The following OR6A2 variants were observed in gnomAD, a reference collection of about 807,000 sequenced individuals.
OR6A2 encodes the protein olfactory receptor 6A2.
In OR6A2, 6 loss-of-function variants were observed where a neutral mutation model predicts 7.1. That is an observed-to-expected ratio of 0.85 (90% confidence interval 0.46 to 1.68). The LOEUF (loss-of-function observed/expected upper bound fraction) is 1.68. OR6A2 is among the 40% of genes most tolerant of loss of function. OR6A2 has a pLI of 0.01. For synonymous variants in OR6A2, 162 were observed against 152.1 expected, an observed-to-expected ratio of 1.06 and a Z score of -0.48; for missense variants, 431 against 398.0, an observed-to-expected ratio of 1.08 and a Z score of -0.71.
chr11:6,795,287 A>T lies in OR6A2; in HGVS notation c.422T>A (p.Val141Asp). ...CATCTGCACACACAGCCGGCCACTG[A>T]CAATGACTGGGTAGTGGAGAGGATA... Reference protein sequence around the residue: ...ICYPLHYPVIVSGRLCVQMAA... With the variant: ...ICYPLHYPVIDSGRLCVQMAA... Residue 141 changes from valine to aspartate, a missense_variant, in exon 2 of 2, where the codon GTC becomes GAC. Physicochemically the swap from Val to Asp is radical, Grantham distance 152 (BLOSUM62 -3). Transcript: ENST00000641196. The T allele has an allele frequency of 6.2e-7, 1 of 1,614,118 alleles. No homozygotes were observed. Among genetic ancestry groups the T allele is most frequent in the Non-Finnish European group, 8.5e-7 (1 of 1,180,018 alleles).
rs1320219133 is a variant in OR6A2, at chr11:6,794,952, C to T, written c.757G>A (p.Val253Met). The change falls in exon 2 of 2, where the codon GTG becomes ATG. Residue 253 changes from valine to methionine, a missense_variant. By Grantham distance (21) the Val-to-Met change is conservative (BLOSUM62 1). Transcript: ENST00000641196. ...ATACTGGCTGCATAGAAGATTATCACAACAGTGAGATGAGAGGCACAGGTG... is the reference window on the plus strand; with the variant it reads ...ATACTGGCTGCATAGAAGATTATCATAACAGTGAGATGAGAGGCACAGGTG... ...FSTCASHLTVVIIFYAASIFI... is the reference protein window; with the variant it reads ...FSTCASHLTVMIIFYAASIFI... The T allele has an allele frequency of 6.2e-7, 1 of 1,614,098 alleles. No homozygotes were observed. Among genetic ancestry groups the T allele is most frequent in the African/African-American group, 1.3e-5 (1 of 75,034 alleles).
Position 6,795,396 on chromosome 11 carries a change from G to A in OR6A2, c.313C>T (p.Gln105Ter). The A allele has an allele frequency of 6.2e-7, 1 of 1,614,078 alleles. No homozygotes were observed. The highest frequency in any genetic ancestry group is 8.5e-7 in the Non-Finnish European group (1 of 1,179,996). Residue 105 changes from glutamine to a stop codon, truncating the protein, a stop_gained, in exon 2 of 2, where the codon CAG (glutamine) becomes TAG (stop). Transcript: ENST00000641196. LOFTEE classifies it high-confidence loss of function. The stretch of plus-strand genomic sequence containing the variant: ...CCCAAGCCAAGGAAAAAGTAGAGCT[G>A]TGTCATGCATCCCTCAAAGGAGATT... ...QLISFEGCMT[Q>*]LYFFLGLGCT...
chr11:6,791,911 C>T lies in OR6A2; in HGVS notation c.*2814G>A, dbSNP rs1019590764. On this transcript the variant is annotated 3_prime_UTR_variant, in exon 2 of 2. Coordinates refer to ENST00000641196, the MANE Select transcript of OR6A2 (RefSeq NM_003696.3). ...CATACATACTTGTCAAAATAAGAAA[C>T]CAAAATTGATACATCACTGTTAAAC... is the stretch of plus-strand genomic sequence containing the variant. 1 of 152,120 alleles carries T rather than the reference C, an allele frequency of 6.6e-6. No individual in the cohort carries two copies. Among genetic ancestry groups the T allele is most frequent in the Non-Finnish European group, 1.5e-5 (1 of 68,008 alleles). The allele number at this position is 152,120 out of a possible 1,614,324, so 9.4% of individuals were successfully genotyped here. A position where few individuals can be genotyped will look rare whatever the true frequency, so the allele number is the denominator to read the frequency against.
Position 6,795,770 on chromosome 11 carries a change from A to G in OR6A2, c.-62T>C. Reference sequence around the variant, plus strand: ...AGTAGAGAGTCTTCAGTAGGCCACAACAAGAACCCAGCCTTTCTCTTAATG... The same window carrying G: ...AGTAGAGAGTCTTCAGTAGGCCACAGCAAGAACCCAGCCTTTCTCTTAATG... On this transcript the variant is annotated 5_prime_UTR_variant, in exon 2 of 2. Transcript: ENST00000641196. 2 of 1,504,862 alleles carry G rather than the reference A, an allele frequency of 1.3e-6. No individual in the cohort carries two copies. Among genetic ancestry groups the G allele is most frequent in the South Asian group, 1.2e-5 (1 of 84,242 alleles). 93.2% of individuals were successfully genotyped at this position (1,504,862 alleles called of 1,614,324 possible).
In OR6A2 at chr11:6,793,670, C is replaced by G. The variant is rs1281735679; in HGVS notation, c.*1055G>C. The stretch of plus-strand genomic sequence containing the variant: ...GCAAATATGGCTGATATTTTTGATA[C>G]TGTTATATAACATAATATTTTTATT... On this transcript the variant is annotated 3_prime_UTR_variant, in exon 2 of 2. Transcript: ENST00000641196. 1 of 152,072 alleles carries G rather than the reference C, an allele frequency of 6.6e-6. No homozygotes were observed. The highest frequency in any genetic ancestry group is 2.4e-5 in the African/African-American group (1 of 41,402). 9.4% of individuals were successfully genotyped at this position (152,072 alleles called of 1,614,324 possible).
chr11:6,792,810 T>C lies in OR6A2; in HGVS notation c.*1915A>G, dbSNP rs377615405. On this transcript the variant is annotated 3_prime_UTR_variant, in exon 2 of 2. Coordinates refer to ENST00000641196, the MANE Select transcript of OR6A2 (RefSeq NM_003696.3). The stretch of plus-strand genomic sequence containing the variant: ...TTCAATATGAGTCCTGAGGGTCATA[T>C]GTTCACTAAAAATTCAGTCCCCGTC... 1.3e-5 allele frequency: 2 copies of C among 152,160 alleles called. No homozygotes were observed. Among genetic ancestry groups the C allele is most frequent in the East Asian group, 1.9e-4 (1 of 5,198 alleles). The allele number at this position is 152,160 out of a possible 1,614,324, so 9.4% of individuals were successfully genotyped here. A position where few individuals can be genotyped will look rare whatever the true frequency, so the allele number is the denominator to read the frequency against.
chr11:6,794,823 A>G lies in OR6A2; in HGVS notation c.886T>C (p.Cys296Arg). The part of the protein sequence containing the change: ...IVPLLNPIIY[C>R]LRNQEVKRAL... ...CTCTTGACCTCTTGATTGCGCAGGC[A>G]GTAAATGATGGGATTGAGCAATGGT... Residue 296 changes from cysteine (C) to arginine (R), a missense_variant, in exon 2 of 2, where the codon TGC (cysteine) becomes CGC (arginine). By Grantham distance (180) the Cys-to-Arg change is radical (BLOSUM62 -3). Transcript: ENST00000641196. 6.2e-7 allele frequency: 1 copy of G among 1,614,178 alleles called. No individual in the cohort carries two copies. The highest frequency in any genetic ancestry group is 8.5e-7 in the Non-Finnish European group (1 of 1,179,998).
Position 6,795,101 on chromosome 11 carries a change from G to A in OR6A2, c.608C>T (p.Thr203Ile). The change falls in exon 2 of 2, where the codon ACA (threonine) becomes ATA (isoleucine). Residue 203 changes from threonine to isoleucine, a missense_variant. Physicochemically the swap from Thr to Ile is moderately conservative, Grantham distance 89. Transcript: ENST00000641196. ...SCTDMSTAEL[T>I]DFILAIFILL... ...AATAAAAATGGCCAGGATGAAATCT[G>A]TAAGCTCTGCTGTGGACATATCAGT... The A allele has an allele frequency of 6.2e-7, 1 of 1,614,142 alleles. No individual in the cohort carries two copies. Among genetic ancestry groups the A allele is most frequent in the Non-Finnish European group, 8.5e-7 (1 of 1,180,008 alleles).
intron 1 of OR6A2, among the ~76,000 whole-genome samples, chr11:6,797,606 C>T (rs867929820): frequency 6.6e-6 from 1 of 152,182 alleles, no homozygotes; most frequent in South Asian, 2.1e-4. Flanking sequence ...GGACTCCCAA[C>T]TGATTTTTCT....
intron 1 of OR6A2, among the ~76,000 whole-genome samples, chr11:6,798,139 G>T (rs1847766151): frequency 6.6e-6 from 1 of 152,168 alleles, no homozygotes; most frequent in Non-Finnish European, 1.5e-5. Context: ...TAATGGTGGA[G>T]TATGGAGTGG....
rs77166065 is a variant in OR6A2, at chr11:6,797,943, T to C, written c.-177+1601A>G. On this transcript the variant is annotated intron_variant, in intron 1 of 1. Coordinates refer to ENST00000641196, the MANE Select transcript of OR6A2 (RefSeq NM_003696.3). Reference sequence around the variant, plus strand: ...TCTTGGTTCATAAGGCTTCTATCCATAGAGACATTAGGTACTTTTTTTTTT... The same window carrying C: ...TCTTGGTTCATAAGGCTTCTATCCACAGAGACATTAGGTACTTTTTTTTTT... Among the ~76,000 whole-genome samples, 350 of 152,292 alleles carry C rather than the reference T, an allele frequency of 2.3e-3. 2 individuals are homozygous for C. Among genetic ancestry groups the C allele is most frequent in the African/African-American group, 7.8e-3 (324 of 41,558 alleles).
rs1847712620 is a variant in OR6A2 at position 6,793,545 on chromosome 11, A to G, written c.*1180T>C. ...AAAAAGCATTTAAATAAATATATTG[A>G]TGGCAATGCTTAGCCACAGAATGCA... On this transcript the variant is annotated 3_prime_UTR_variant, in exon 2 of 2. Transcript: ENST00000641196. 1 of 152,174 alleles carries G rather than the reference A, an allele frequency of 6.6e-6. No individual in the cohort carries two copies. The highest frequency in any genetic ancestry group is 6.6e-5 in the Admixed American group (1 of 15,256). 9.4% of individuals were successfully genotyped at this position (152,174 alleles called of 1,614,324 possible).
Position 6,792,653 on chromosome 11 carries a change from G to C in OR6A2, c.*2072C>G, listed in dbSNP as rs908738427. ...GGTCGAAAACAAACAGGATCAAATG[G>C]AACAAGGATAAAATAAAGTTCTACA... is the stretch of plus-strand genomic sequence containing the variant. On this transcript the variant is annotated 3_prime_UTR_variant, in exon 2 of 2. Transcript: ENST00000641196. The C allele has an allele frequency of 6.6e-6, 1 of 152,162 alleles. No homozygotes were observed. Among genetic ancestry groups the C allele is most frequent in the Non-Finnish European group, 1.5e-5 (1 of 68,024 alleles). The allele number at this position is 152,162 out of a possible 1,614,324, so 9.4% of individuals were successfully genotyped here.
At position 6,795,492 on chromosome 11, in the gene OR6A2, A is replaced by G; in HGVS notation, c.217T>C (p.Trp73Arg). Residue 73 changes from tryptophan (W) to arginine (R), a missense_variant, in exon 2 of 2, where the codon TGG becomes CGG. Trp to Arg is a moderately radical substitution (Grantham distance 101). Coordinates refer to ENST00000641196, the MANE Select transcript of OR6A2 (RefSeq NM_003696.3). Reference sequence around the variant, plus strand: ...TTGGGAATAGTGACAGTGACATACCAGATCTCCAGAAAGGACATATTAGCT... The same window carrying G: ...TTGGGAATAGTGACAGTGACATACCGGATCTCCAGAAAGGACATATTAGCT... ...FLANMSFLEI[W>R]YVTVTIPKML... The G allele has an allele frequency of 6.2e-7, 1 of 1,614,184 alleles. No individual in the cohort carries two copies. The highest frequency in any genetic ancestry group is 8.5e-7 in the Non-Finnish European group (1 of 1,180,016).
intron 1 of OR6A2, among the ~76,000 whole-genome samples, 179 bp downstream of exon 1, chr11:6,799,365 A>G (rs1847778466): frequency 2.0e-5 from 3 of 152,182 alleles, no homozygotes; most frequent in African/African-American, 7.2e-5. Flanking sequence ...GGAAAAGATA[A>G]AGAAAGTGAT....
At chr11:6,797,896 T>C (rs571341626) in intron 1 of OR6A2, among the ~76,000 whole-genome samples, 2 of 152,344 alleles carry the variant, frequency 1.3e-5, no homozygotes, top group South Asian at 2.1e-4. Context: ...TGAGCATGGC[T>C]ACATCCTATT....
intron 1 of OR6A2, among the ~76,000 whole-genome samples, chr11:6,798,769 T>C (rs1005896894): frequency 1.3e-5 from 2 of 152,242 alleles, no homozygotes; most frequent in Non-Finnish European, 2.9e-5. Flanking sequence ...TAGGAATTTT[T>C]ATCGTAATGT....
At chr11:6,798,814 C>G (rs764491037) in intron 1 of OR6A2, among the ~76,000 whole-genome samples, 1 of 152,208 alleles carries the variant, frequency 6.6e-6, no homozygotes, top group South Asian at 2.1e-4. Flanking sequence ...CCAAAATTAC[C>G]CATATTTCTA....
At position 6,791,946 on chromosome 11, in the gene OR6A2, T is replaced by G. The variant is rs577985303; in HGVS notation, c.*2779A>C. On this transcript the variant is annotated 3_prime_UTR_variant, in exon 2 of 2. Transcript: ENST00000641196. ...TACATCACTGTTAAACTATTCAGAT[T>G]TTGCCATTTTATTCAGATTTTATTA... 3.2e-4 allele frequency: 49 copies of G among 152,296 alleles called. No individual in the cohort carries two copies. Among genetic ancestry groups the G allele is most frequent in the Admixed American group, 3.0e-3 (46 of 15,286 alleles). The allele number at this position is 152,296 out of a possible 1,614,324, so 9.4% of individuals were successfully genotyped here. A position where few individuals can be genotyped will look rare whatever the true frequency, so the allele number is the denominator to read the frequency against.
Sources: gnomAD v4.1 joint callset for allele counts (sites outside exome capture counted in the v4.1 genomes callset) on GRCh38, gnomAD v4.1.1 for gene constraint, MANE v1.5 for transcripts, NCBI Gene and HGNC (gene_info 2026-07-23, HGNC 2026-07-21) for gene names.